LRFN2: variants seen among roughly 807,000 people sequenced by gnomAD.
The protein encoded by LRFN2 is leucine rich repeat and fibronectin type III domain containing 2, also known as leucine-rich repeat and fibronectin type-III domain-containing protein 2.
Under a neutral mutation model 37.3 loss-of-function variants are expected in LRFN2, and 18 were observed. That is an observed-to-expected ratio of 0.48 (90% CI 0.33 to 0.72). The LOEUF is 0.72. Among genes scored for constraint, LRFN2 ranks in the 30% least tolerant of loss-of-function variants. The probability of loss-of-function intolerance (pLI) is 0.02; values close to 1 mark genes in which losing one functional copy is unlikely to be tolerated. For missense variants in LRFN2, 1,006 were observed against 1,060.7 expected (o/e 0.95, Z 0.72); for synonymous variants, 556 against 466.6 (o/e 1.19, Z -2.47).
At position 40,432,081 on chromosome 6, in the gene LRFN2, C is replaced by T. The variant is rs200014785; in HGVS notation, c.1033G>A (p.Asp345Asn). The T allele has an allele frequency of 5.8e-5, 94 of 1,613,924 alleles. No homozygotes were observed. Among genetic ancestry groups the T allele is most frequent in the Non-Finnish European group, 7.5e-5 (89 of 1,180,014 alleles). The change falls in exon 2 of 3, where the codon GAC becomes AAC. Residue 345 changes from aspartate to asparagine, a missense_variant. Transcript: ENST00000338305. ...TCCTGAGATGTGGTGATGAAGATGT[C>T]CAGGGTGCCATTGTCATAGACAGCG... ...RTAVYDNGTL[D>N]IFITTSQDSG...
intron 1 of LRFN2, among the ~76,000 whole-genome samples, chr6:40,578,253 C>T (rs1767331351): frequency 6.6e-6 from 1 of 152,148 alleles, no homozygotes; most frequent in Non-Finnish European, 1.5e-5. Context: ...ATCTTCCTTC[C>T]CCACCGTGGT....
chr6:40,555,316 G>A (rs1029460997), intron 1 of LRFN2, among the ~76,000 whole-genome samples: 1 of 152,202 alleles, frequency 6.6e-6, no homozygotes, highest in Non-Finnish European at 1.5e-5. Context: ...GCTGAGGGTT[G>A]CGGTGGGGAG....
At chr6:40,481,789 G>A (rs111738552) in intron 1 of LRFN2, among the ~76,000 whole-genome samples, 1 of 152,130 alleles carries the variant, frequency 6.6e-6, no homozygotes, top group Non-Finnish European at 1.5e-5. Context: ...CTGTGCCCGG[G>A]GGCAGGAGAT....
At chr6:40,530,933 C>T (rs959255211) in intron 1 of LRFN2, among the ~76,000 whole-genome samples, 1 of 152,104 alleles carries the variant, frequency 6.6e-6, no homozygotes, top group East Asian at 1.9e-4. Flanking sequence ...CTGCACCAAG[C>T]GACAATCCTT....
At chr6:40,563,048 G>C (rs1232771886) in intron 1 of LRFN2, among the ~76,000 whole-genome samples, 2 of 152,086 alleles carry the variant, frequency 1.3e-5, no homozygotes, top group African/African-American at 4.8e-5. Flanking sequence ...ATTTCCTTAA[G>C]TGCTGACTGC....
intron 2 of LRFN2, among the ~76,000 whole-genome samples, chr6:40,396,945 G>A (rs986096961): frequency 7.2e-5 from 11 of 152,158 alleles, no homozygotes; most frequent in Admixed American, 3.9e-4. Flanking sequence ...AACCCTCTGA[G>A]GAAGTTATTC....
intron 1 of LRFN2, among the ~76,000 whole-genome samples, chr6:40,448,990 TC>T (rs1764037631): frequency 6.6e-6 from 1 of 152,168 alleles, no homozygotes; most frequent in South Asian, 2.1e-4. Context: ...AACCAACTCT[TC>T]CTTGACACGC....
intron 1 of LRFN2, among the ~76,000 whole-genome samples, chr6:40,467,925 T>G (rs1764507700): frequency 6.6e-6 from 1 of 152,130 alleles, no homozygotes; most frequent in South Asian, 2.1e-4. Flanking sequence ...CTAGTCCTTG[T>G]CATAGGCAGT....
At chr6:40,508,033 G>C (rs563920558) in intron 1 of LRFN2, among the ~76,000 whole-genome samples, 1 of 152,272 alleles carries the variant, frequency 6.6e-6, no homozygotes, top group South Asian at 2.1e-4. Context: ...GCACAGCACA[G>C]AGTTAACAGC....
At chr6:40,418,007 C>T (rs1395410617) in intron 2 of LRFN2, among the ~76,000 whole-genome samples, 1 of 152,304 alleles carries the variant, frequency 6.6e-6, no homozygotes, top group South Asian at 2.1e-4. Context: ...ATGCCAGTCT[C>T]CTACTTTCAA....
intron 1 of LRFN2, among the ~76,000 whole-genome samples, chr6:40,460,152 T>G (rs1475811673): frequency 1.3e-5 from 2 of 151,826 alleles, no homozygotes; most frequent in African/African-American, 2.4e-5. Flanking sequence ...TCACAGGGGC[T>G]CCTTCCGGAG....
intron 1 of LRFN2, among the ~76,000 whole-genome samples, chr6:40,512,008 G>A (rs879266705): frequency 2.3e-4 from 35 of 152,354 alleles, no homozygotes; most frequent in Non-Finnish European, 4.6e-4. Flanking sequence ...GCAAAGCCAG[G>A]CAGTGAATCA....
At chr6:40,582,621 C>T (rs1042235008) in intron 1 of LRFN2, among the ~76,000 whole-genome samples, 4 of 151,362 alleles carry the variant, frequency 2.6e-5, no homozygotes, top group African/African-American at 9.7e-5. Context: ...CAAAGATGCC[C>T]TGATTTTCCG....
chr6:40,437,714 G>A (rs886828060), intron 1 of LRFN2, among the ~76,000 whole-genome samples: 1 of 152,176 alleles, frequency 6.6e-6, no homozygotes, highest in Non-Finnish European at 1.5e-5. Context: ...AGGGAGACAA[G>A]GGGACTGGAT....
chr6:40,392,270 C>T lies in LRFN2; in HGVS notation c.2043G>A (p.Gly681=). ...CCCGGGCCGACGTCCCAGCCCCTCT[C>T]CCGGCTGGAGTCCTGGAGTCCAGCA... ...EELLDSRTPA[G]RGAGTSARGH... is the part of the protein sequence containing the mutation. Residue 681 remains glycine, a synonymous_variant, in exon 3 of 3, where the codon GGG becomes GGA. Coordinates refer to ENST00000338305, the MANE Select transcript of LRFN2 (RefSeq NM_020737.3). This position sits in a 1 kb window ranked among gnomAD's most constrained non-coding sequence, Gnocchi z 4.7. 2 of 1,599,032 alleles carry T rather than the reference C, an allele frequency of 1.3e-6. No homozygotes were observed. The highest frequency in any genetic ancestry group is 1.1e-5 in the South Asian group (1 of 88,066).
intron 1 of LRFN2, among the ~76,000 whole-genome samples, chr6:40,564,643 C>G (rs115481050): frequency 0.027 from 4,048 of 152,260 alleles, 89 homozygotes; most frequent in Admixed American, 0.039. Context: ...TTAATACACC[C>G]ACTCTCACCA....
chr6:40,512,280 C>T (rs1291334457), intron 1 of LRFN2, among the ~76,000 whole-genome samples: 1 of 152,178 alleles, frequency 6.6e-6, no homozygotes, highest in African/African-American at 2.4e-5. Flanking sequence ...TCCCATTGCC[C>T]CCGCTTCCTG....
At chr6:40,483,410 T>C (rs1350589112) in intron 1 of LRFN2, among the ~76,000 whole-genome samples, 1 of 152,208 alleles carries the variant, frequency 6.6e-6, no homozygotes, top group Non-Finnish European at 1.5e-5. Context: ...TCACCCGTGC[T>C]TCCTGGGGTC....
rs769348235 is a variant in LRFN2 at position 40,392,905 on chromosome 6, G to A, written c.1408C>T (p.Pro470Ser). ...ACCACGAAGGCCTTGTTGGAGGCTG[G>A]GATCATCCTGGGGAGGGAGGTGGAC... ...DDEVLIYRMI[P>S]ASNKAFVVNN... is the part of the protein sequence containing the mutation. Residue 470 changes from proline (P) to serine (S), a missense_variant, in exon 3 of 3, where the codon CCA becomes TCA. Around this residue, in one of 4 missense-constraint regions of LRFN2, gnomAD observed 120 missense variants for 178.4 expected, o/e 0.67. Coordinates refer to ENST00000338305, the MANE Select transcript of LRFN2 (RefSeq NM_020737.3). The surrounding 1 kb of genome is among the most constrained non-coding windows in gnomAD (Gnocchi z 4.7). The A allele has an allele frequency of 6.2e-7, 1 of 1,606,788 alleles. No homozygotes were observed. The highest frequency in any genetic ancestry group is 1.1e-5 in the South Asian group (1 of 89,250).
Sources: gnomAD v4.1 joint callset for allele counts (sites outside exome capture counted in the v4.1 genomes callset) on GRCh38, gnomAD v4.1.1 for gene constraint, gnomAD v4.1.1 regional missense constraint, Gnocchi (gnomAD v3.1) non-coding constraint, MANE v1.5 for transcripts, NCBI Gene and HGNC (gene_info 2026-07-23, HGNC 2026-07-21) for gene names.